METAP1D: variants seen among roughly 807,000 people sequenced by gnomAD.
METAP1D encodes methionyl aminopeptidase type 1D, mitochondrial, also known as methionine aminopeptidase 1D, mitochondrial.
Under a neutral mutation model 40.5 loss-of-function variants are expected in METAP1D, and 31 were observed. The ratio of observed to expected loss-of-function variants is 0.77; its 90% confidence interval spans 0.58 to 1.03. The LOEUF (loss-of-function observed/expected upper bound fraction) is 1.03, where lower values mean the gene tolerates loss of function less well. Among genes scored for constraint, METAP1D ranks in the 50% least tolerant of loss-of-function variants. The pLI is 0.00. For synonymous variants in METAP1D, 151 were observed against 146.4 expected (o/e 1.03, Z -0.22); for missense variants, 411 against 420.7 (o/e 0.98, Z 0.20).
intron 1 of METAP1D, among the ~76,000 whole-genome samples, chr2:172,030,589 T>C (rs1689219665): frequency 6.6e-6 from 1 of 152,196 alleles, no homozygotes; most frequent in African/African-American, 2.4e-5. Flanking sequence ...CTTTCTAAAT[T>C]CAAATCCTTG....
In METAP1D at chr2:172,080,507, C is replaced by A; in HGVS notation, c.*101C>A. 1 of 1,246,450 alleles carries A rather than the reference C, an allele frequency of 8.0e-7. No homozygotes were observed. The allele number at this position is 1,246,450 out of a possible 1,614,324, so 77.2% of individuals were successfully genotyped here. ...AGAAACAGGGAAATGACCGGTGGTG[C>A]GGTAACCTGCGTGGCTCCTGATAGC... On this transcript the variant is annotated 3_prime_UTR_variant, in exon 10 of 10. Transcript: ENST00000315796.
intron 1 of METAP1D, among the ~76,000 whole-genome samples, chr2:172,023,741 AC>A (rs1297725786): frequency 6.6e-6 from 1 of 152,066 alleles, no homozygotes; most frequent in Non-Finnish European, 1.5e-5. Flanking sequence ...TTTGAAATGC[AC>A]CCCCCAAAAA....
intron 1 of METAP1D, among the ~76,000 whole-genome samples, chr2:172,031,492 TATCTC>T (rs199507992): frequency 0.021 from 3,211 of 152,306 alleles, 48 homozygotes; most frequent in Middle Eastern, 0.037. Flanking sequence ...GCACTAGACT[TATCTC>T]AGTTGTAAAA....
At chr2:172,028,812 A>T (rs1689178309) in intron 1 of METAP1D, among the ~76,000 whole-genome samples, 1 of 152,212 alleles carries the variant, frequency 6.6e-6, no homozygotes, top group Non-Finnish European at 1.5e-5. Flanking sequence ...AATGTCTGTT[A>T]TACCTATGAA....
At chr2:172,048,161 G>A (rs1400684926) in intron 1 of METAP1D, among the ~76,000 whole-genome samples, 1 of 152,222 alleles carries the variant, frequency 6.6e-6, no homozygotes, top group Non-Finnish European at 1.5e-5. Context: ...GAGAGGCCCA[G>A]TGCTTTGGAT....
intron 5 of METAP1D, among the ~76,000 whole-genome samples, chr2:172,069,125 C>T (rs2105488211): frequency 6.6e-6 from 1 of 152,170 alleles, no homozygotes; most frequent in Non-Finnish European, 1.5e-5. Context: ...CTATGTTTCC[C>T]AAGCTGGTCT....
intron 1 of METAP1D, among the ~76,000 whole-genome samples, chr2:172,053,074 A>G (rs1309872361): frequency 6.6e-6 from 1 of 152,248 alleles, no homozygotes; most frequent in Non-Finnish European, 1.5e-5. Context: ...AATCAATAAA[A>G]GAGTTATATC....
At chr2:172,058,851 CG>C (rs1258562137) in intron 1 of METAP1D, among the ~76,000 whole-genome samples, 2 of 152,160 alleles carry the variant, frequency 1.3e-5, no homozygotes, top group African/African-American at 4.8e-5. Context: ...CTGATCATTG[CG>C]GTTTGTTTGC....
chr2:172,062,836 G>A (rs1690169685), intron 2 of METAP1D, among the ~76,000 whole-genome samples: 3 of 152,224 alleles, frequency 2.0e-5, no homozygotes, highest in Non-Finnish European at 4.4e-5. Flanking sequence ...CTGCTGCAAT[G>A]TTTCAATTGA....
chr2:172,006,102 CTGTATATG>C (rs1251187723), intron 1 of METAP1D, among the ~76,000 whole-genome samples: 23 of 151,944 alleles, frequency 1.5e-4, no homozygotes, highest in African/African-American at 5.3e-4. Flanking sequence ...ATCAATATTT[CTGTATATG>C]TGTATACATG....
intron 1 of METAP1D, among the ~76,000 whole-genome samples, chr2:172,055,230 T>C (rs788170): frequency 0.56 from 85,122 of 151,982 alleles, 24,358 homozygotes; most frequent in Middle Eastern, 0.65. Context: ...ACGGAGGGAC[T>C]ATTTCTGTCT....
chr2:172,077,957 T>G (rs937935284), intron 7 of METAP1D, 63 bp downstream of exon 7: 2 of 910,692 alleles, frequency 2.2e-6, no homozygotes, highest in East Asian at 5.0e-5. Flanking sequence ...GCTTTGACCC[T>G]GAAGCTCTTC....
chr2:172,024,511 A>ACCCTCCAGGCC (rs1689079953), intron 1 of METAP1D, among the ~76,000 whole-genome samples: 1 of 152,100 alleles, frequency 6.6e-6, no homozygotes, highest in African/African-American at 2.4e-5. Context: ...AGGCAGATAA[A>ACCCTCCAGGCC]AATTGGCCTC....
chr2:172,007,881 G>A (rs1393646934), intron 1 of METAP1D, among the ~76,000 whole-genome samples: 2 of 151,928 alleles, frequency 1.3e-5, no homozygotes. Context: ...GTAGAGACGG[G>A]GTTTCACCAT....
At chr2:172,022,910 G>A (rs1384978332) in intron 1 of METAP1D, among the ~76,000 whole-genome samples, 1 of 152,124 alleles carries the variant, frequency 6.6e-6, no homozygotes, top group East Asian at 1.9e-4. Context: ...TTGCAGCCGG[G>A]TGTGGTGGCT....
In METAP1D at chr2:172,037,697, C is replaced by G. The variant is rs187917509; in HGVS notation, c.41-23801C>G. On this transcript the variant is annotated intron_variant, in intron 1 of 9. Transcript: ENST00000315796. Reference sequence around the variant, plus strand: ...GCTGAAGCTCAACAGTTGAGCTTCACTGGTTCCATCTGGGTTCTGAACACT... The same window carrying G: ...GCTGAAGCTCAACAGTTGAGCTTCAGTGGTTCCATCTGGGTTCTGAACACT... Among the ~76,000 whole-genome samples, 68 of 152,300 alleles carry G rather than the reference C, an allele frequency of 4.5e-4. 1 individual carries two copies. The highest frequency in any genetic ancestry group is 4.2e-3 in the Admixed American group (65 of 15,306).
At chr2:172,078,060 G>T (rs1157131850) in intron 7 of METAP1D, among the ~76,000 whole-genome samples, 166 bp downstream of exon 7, 1 of 151,930 alleles carries the variant, frequency 6.6e-6, no homozygotes, top group East Asian at 1.9e-4. Context: ...TTTTAACCGG[G>T]ACATTACTGT....
At chr2:172,005,771 C>T (rs1395804743) in intron 1 of METAP1D, among the ~76,000 whole-genome samples, 1 of 151,554 alleles carries the variant, frequency 6.6e-6, no homozygotes, top group Non-Finnish European at 1.5e-5. Context: ...ACTCCTGACC[C>T]AAATGATCCA....
chr2:172,040,150 G>A (rs1432038776), intron 1 of METAP1D, among the ~76,000 whole-genome samples: 11 of 132,320 alleles, frequency 8.3e-5, no homozygotes, highest in East Asian at 2.3e-4. Flanking sequence ...TAGAGACGGG[G>A]TTTCACCATG....
Sources: gnomAD v4.1 joint callset for allele counts (sites outside exome capture counted in the v4.1 genomes callset) on GRCh38, gnomAD v4.1.1 for gene constraint, MANE v1.5 for transcripts, NCBI Gene and HGNC (gene_info 2026-07-23, HGNC 2026-07-21) for gene names.